RBPJ: variants seen among roughly 807,000 people sequenced by gnomAD.
The protein encoded by RBPJ is recombining binding protein suppressor of hairless.
In RBPJ, 9 loss-of-function variants were observed where a neutral mutation model predicts 67.8. The observed-to-expected ratio is 0.13, with a 90% confidence interval of 0.08 to 0.23. RBPJ has a LOEUF of 0.23. Among genes scored for constraint, RBPJ ranks in the 10% least tolerant of loss-of-function variants. The probability of loss-of-function intolerance (pLI) is 1.00; values close to 1 mark genes in which losing one functional copy is unlikely to be tolerated. For missense variants in RBPJ, 305 were observed against 595.6 expected (o/e 0.51, Z 5.08); for synonymous variants, 198 against 203.3 (o/e 0.97, Z 0.22).
chr4:26,424,776 G>A lies in RBPJ; in HGVS notation c.747+33G>A. Reference sequence around the variant, plus strand: ...TCTACTTTTGCTTTAGTGATAATGTGAAGTAAAAATTAATTTCTTAAACAG... The same window carrying A: ...TCTACTTTTGCTTTAGTGATAATGTAAAGTAAAAATTAATTTCTTAAACAG... On this transcript the variant is annotated intron_variant, in intron 7 of 10. Transcript: ENST00000355476. This position sits in a 1 kb window ranked among gnomAD's most constrained non-coding sequence, Gnocchi z 5.3. 8.0e-7 allele frequency: 1 copy of A among 1,252,670 alleles called. No individual in the cohort carries two copies. The highest frequency in any genetic ancestry group is 1.2e-6 in the Non-Finnish European group (1 of 869,044). The allele number at this position is 1,252,670 out of a possible 1,614,324, so 77.6% of individuals were successfully genotyped here. A position where few individuals can be genotyped will look rare whatever the true frequency, so the allele number is the denominator to read the frequency against.
chr4:26,278,595 T>G (rs2109272307), intron 1 of RBPJ, among the ~76,000 whole-genome samples: 1 of 152,342 alleles, frequency 6.6e-6, no homozygotes, highest in African/African-American at 2.4e-5. Context: ...CCTATAGGAT[T>G]ATGAAATAGA....
intron 1 of RBPJ, among the ~76,000 whole-genome samples, chr4:26,278,134 C>G (rs943453178): frequency 6.6e-6 from 1 of 152,206 alleles, no homozygotes; most frequent in Non-Finnish European, 1.5e-5. Context: ...CCTTTACCTT[C>G]TCTGTGCTGC....
chr4:26,319,359 G>A (rs1722794132), upstream of RBPJ, among the ~76,000 whole-genome samples: 1 of 152,140 alleles, frequency 6.6e-6, no homozygotes, highest in African/African-American at 2.4e-5. Flanking sequence ...AGCGTCACAG[G>A]GCGTGTGCGT....
chr4:26,360,843 C>T (rs1439055264), intron 1 of RBPJ, among the ~76,000 whole-genome samples: 1 of 151,166 alleles, frequency 6.6e-6, no homozygotes, highest in South Asian at 2.1e-4. Flanking sequence ...CTCCTGACCT[C>T]AGGTGATCCA....
chr4:26,227,185 G>A (rs1043611463), intron 1 of RBPJ, among the ~76,000 whole-genome samples: 5 of 152,110 alleles, frequency 3.3e-5, no homozygotes, highest in African/African-American at 7.2e-5. Flanking sequence ...AATCCTTTCC[G>A]GTATCCTTTG....
chr4:26,132,721 A>AAAAAC, the RBPJ span, among the ~76,000 whole-genome samples: 36 of 152,220 alleles, frequency 2.4e-4, no homozygotes, highest in Non-Finnish European at 3.1e-4. Context: ...AAACTGCTTC[A>AAAAAC]AAAACAAAAC....
In RBPJ at chr4:26,264,117, A is replaced by AG. The variant is rs2109254117; in HGVS notation, c.-166-98327dup. Among the ~76,000 whole-genome samples, 1 of 145,432 alleles carries AG rather than the reference A, an allele frequency of 6.9e-6. No individual in the cohort carries two copies. Among genetic ancestry groups the AG allele is most frequent in the Non-Finnish European group, 1.5e-5 (1 of 66,074 alleles). On this transcript the variant is annotated intron_variant, in intron 1 of 4. Transcript: ENST00000512351. The surrounding 1 kb of genome is among the most constrained non-coding windows in gnomAD (Gnocchi z 4.1). ...CAGGCTGGTCTTGAACTCTCGACTC[A>AG]GGTGATCCACCCAACTCAACCTCCC...
chr4:26,239,080 A>G (rs1465857461), intron 1 of RBPJ, among the ~76,000 whole-genome samples: 6 of 152,118 alleles, frequency 3.9e-5, no homozygotes, highest in Admixed American at 2.0e-4. Context: ...ACACCACCAA[A>G]GCAACGACTG....
intron 1 of RBPJ, among the ~76,000 whole-genome samples, chr4:26,218,892 A>T (rs999584965): frequency 6.6e-6 from 1 of 151,938 alleles, no homozygotes; most frequent in South Asian, 2.1e-4. Flanking sequence ...GAAATTGATT[A>T]CCCTGCCTCT....
At chr4:26,341,855 G>A (rs1026621290) in intron 1 of RBPJ, among the ~76,000 whole-genome samples, 42 of 152,278 alleles carry the variant, frequency 2.8e-4, no homozygotes, top group Middle Eastern at 3.4e-3. Flanking sequence ...ATACCAGCAC[G>A]TTTGTATGTT....
At position 26,205,994 on chromosome 4, in the gene RBPJ, C is replaced by G. The variant is rs1013300334; in HGVS notation, c.-167+42380C>G. ...TTGAGTTGAGTAAATATGATATATG[C>G]GTATTTTTTTTATAAATTACACATA... is the stretch of plus-strand genomic sequence containing the variant. On this transcript the variant is annotated intron_variant, in intron 1 of 4. Transcript: ENST00000512351. Among the ~76,000 whole-genome samples, 12 of 105,590 alleles carry G rather than the reference C, an allele frequency of 1.1e-4. 1 individual carries two copies. The East Asian group carries it at 4.5e-3, about 40-fold the overall frequency. The allele number at this position is 105,590 out of a possible 152,430, so 69.3% of individuals were successfully genotyped here. A position where few individuals can be genotyped will look rare whatever the true frequency, so the allele number is the denominator to read the frequency against.
intron 1 of RBPJ, among the ~76,000 whole-genome samples, chr4:26,206,866 G>T (rs1479418188): frequency 6.6e-6 from 1 of 151,616 alleles, no homozygotes; most frequent in Non-Finnish European, 1.5e-5. Flanking sequence ...CTGAATTCTG[G>T]TAGTTTTTTA....
At chr4:26,302,670 T>G (rs910935252) in intron 1 of RBPJ, among the ~76,000 whole-genome samples, 23 of 152,300 alleles carry the variant, frequency 1.5e-4, no homozygotes, top group African/African-American at 5.3e-4. Flanking sequence ...ACTGTGAGTA[T>G]GAGCTAGGGA....
At chr4:26,340,472 C>T (rs1725390373) in intron 1 of RBPJ, among the ~76,000 whole-genome samples, 1 of 152,150 alleles carries the variant, frequency 6.6e-6, no homozygotes, top group Non-Finnish European at 1.5e-5. Context: ...AAGGATCTCT[C>T]AAGCAACTTT....
intron 3 of RBPJ, among the ~76,000 whole-genome samples, chr4:26,412,728 A>G (rs749251857): frequency 3.3e-5 from 5 of 152,206 alleles, no homozygotes; most frequent in Non-Finnish European, 5.9e-5. Flanking sequence ...TCAATGTTCA[A>G]TTAAAAAAAA....
chr4:26,115,147 C>A, the RBPJ span, among the ~76,000 whole-genome samples: 9 of 152,206 alleles, frequency 5.9e-5, no homozygotes, highest in Non-Finnish European at 8.8e-5. Context: ...TCATTTTCTT[C>A]ACAGAACCTG....
At chr4:26,428,661 C>T (rs1735922467) in intron 7 of RBPJ, 59 bp from the exon 8 acceptor site, 1 of 1,376,100 alleles carries the variant, frequency 7.3e-7, no homozygotes, top group African/African-American at 1.4e-5. Context: ...TGATGTTTTA[C>T]ACAAGGAAAA....
At position 26,172,144 on chromosome 4, in the gene RBPJ, A is replaced by G. The variant is rs1253445816; in HGVS notation, c.-167+8530A>G. Among the ~76,000 whole-genome samples, 4 of 152,308 alleles carry G rather than the reference A, an allele frequency of 2.6e-5. No homozygotes were observed. The East Asian group carries it at 7.7e-4, about 29-fold the overall frequency. On this transcript the variant is annotated intron_variant, in intron 1 of 4. Coordinates refer to the RBPJ transcript ENST00000512351. ...GAAACATTTCAACAACATGGATGGA[A>G]CTAAATGTCTTGCCAGGTGGTAGCT...
At chr4:26,132,877 C>T in the RBPJ span, among the ~76,000 whole-genome samples, 20 of 152,256 alleles carry the variant, frequency 1.3e-4, no homozygotes, top group South Asian at 3.9e-3. Context: ...CCAGAAAGCC[C>T]GTGTCTGTGC....
Sources: allele counts gnomAD v4.1 joint callset (sites outside exome capture counted in the v4.1 genomes callset), GRCh38; gene constraint gnomAD v4.1.1; non-coding constraint Gnocchi (gnomAD v3.1); transcripts MANE v1.5; gene names NCBI Gene and HGNC (gene_info 2026-07-23, HGNC 2026-07-21).